TRIP11: variants seen among roughly 807,000 people sequenced by gnomAD.
TRIP11 encodes thyroid hormone receptor interactor 11.
TRIP11 carries 148 observed loss-of-function variants against 223.1 expected under a neutral mutation model. The ratio of observed to expected loss-of-function variants is 0.66; its 90% CI spans 0.58 to 0.76. TRIP11 has a LOEUF of 0.76. TRIP11 is among the 30% of genes least tolerant of loss of function. The pLI, the probability that TRIP11 is intolerant of heterozygous loss-of-function variation, is 0.00. For missense variants in TRIP11, 2,043 were observed against 2,222.0 expected, an observed-to-expected ratio of 0.92 and a Z score of 1.62; for synonymous variants, 762 against 772.6, an observed-to-expected ratio of 0.99 and a Z score of 0.23.
chr14:91,969,509 T>G lies in TRIP11; in HGVS notation c.*164A>C, dbSNP rs1279248485. On this transcript the variant is annotated 3_prime_UTR_variant, in exon 21 of 21. Transcript: ENST00000267622. The stretch of plus-strand genomic sequence containing the variant: ...ATAGCAAACACTTGCTCCTGACACC[T>G]GCAGTTTCTAAAAGCATTAGGAATA... 4 of 734,668 alleles carry G rather than the reference T, an allele frequency of 5.4e-6. No homozygotes were observed. Among genetic ancestry groups the G allele is most frequent in the Non-Finnish European group, 9.5e-6 (4 of 419,298 alleles). 45.5% of individuals were successfully genotyped at this position (734,668 alleles called of 1,614,324 possible).
chr14:92,005,814 A>C lies in TRIP11; in HGVS notation c.2162T>G (p.Ile721Arg), dbSNP rs776532192. 6.2e-6 allele frequency: 10 copies of C among 1,613,846 alleles called. No homozygotes were observed. Among genetic ancestry groups the C allele is most frequent in the Admixed American group, 1.7e-5 (1 of 59,978 alleles). The change falls in exon 11 of 21, where the codon ATA becomes AGA. Residue 721 changes from isoleucine to arginine, a missense_variant. Transcript: ENST00000267622. The stretch of plus-strand genomic sequence containing the variant: ...TTTAGCCCAACACAATTCTGCCTCT[A>C]TCTCTCCTTTTTCCATTTTTAGAGT... ...VETLKMEKGE[I>R]EAELCWAKKR...
intron 2 of TRIP11, among the ~76,000 whole-genome samples, chr14:92,027,648 A>G (rs549234166): frequency 3.9e-5 from 6 of 152,234 alleles, no homozygotes; most frequent in Non-Finnish European, 5.9e-5. Flanking sequence ...ATAATTGCAG[A>G]TAACAATTTA....
At chr14:91,980,349 T>C (rs1364907398) in intron 16 of TRIP11, among the ~76,000 whole-genome samples, 10 of 152,168 alleles carry the variant, frequency 6.6e-5, no homozygotes, top group Non-Finnish European at 4.4e-5. Flanking sequence ...TAAGCTCCTG[T>C]AGGCAAGATC....
At chr14:92,013,266 C>CA (rs1402045789) in intron 7 of TRIP11, among the ~76,000 whole-genome samples, 5 of 151,332 alleles carry the variant, frequency 3.3e-5, no homozygotes, top group Admixed American at 6.6e-5. Context: ...GACTCTGTCT[C>CA]AAAAAAACAA....
At position 92,004,933 on chromosome 14, in the gene TRIP11, T is replaced by C; in HGVS notation, c.3043A>G (p.Lys1015Glu). The change falls in exon 11 of 21, where the codon AAA (lysine) becomes GAA (glutamate). Residue 1015 changes from lysine to glutamate, a missense_variant. Lys to Glu is a moderately conservative substitution (Grantham distance 56). Transcript: ENST00000267622. ...TTCACTAATCTTTCCGTTTCAGCTT[T>C]AGATAAATCATGCTTTTCACTTCCA... ...ENGSEKHDLSKAETERLVKGI... is the reference protein window; with the variant it reads ...ENGSEKHDLSEAETERLVKGI... 3 of 1,613,972 alleles carry C rather than the reference T, an allele frequency of 1.9e-6. No homozygotes were observed. Among genetic ancestry groups the C allele is most frequent in the Non-Finnish European group, 2.5e-6 (3 of 1,179,998 alleles).
At chr14:91,979,625 A>G (rs2056511370) in intron 16 of TRIP11, among the ~76,000 whole-genome samples, 1 of 152,154 alleles carries the variant, frequency 6.6e-6, no homozygotes, top group African/African-American at 2.4e-5. Context: ...TTGCAAACTC[A>G]AGCAGTAGTT....
Position 92,007,666 on chromosome 14 carries a change from C to A in TRIP11, c.1501G>T (p.Asp501Tyr). The A allele has an allele frequency of 1.2e-6, 2 of 1,613,484 alleles. No individual in the cohort carries two copies. The highest frequency in any genetic ancestry group is 1.1e-5 in the South Asian group (1 of 91,062). Reference sequence around the variant, plus strand: ...TTTGTAGCTTCTTGATTCTGTCTGTCCAATTCTTCTATCTCAGCTATCAGT... The same window carrying A: ...TTTGTAGCTTCTTGATTCTGTCTGTACAATTCTTCTATCTCAGCTATCAGT... Reference protein sequence around the residue: ...ETLIAEIEELDRQNQEATKHM... With the variant: ...ETLIAEIEELYRQNQEATKHM... Residue 501 changes from aspartate to tyrosine, a missense_variant, in exon 10 of 21, where the codon GAC becomes TAC. Transcript: ENST00000267622.
intron 16 of TRIP11, among the ~76,000 whole-genome samples, chr14:91,982,072 G>A (rs1213315187): frequency 6.6e-6 from 1 of 152,000 alleles, no homozygotes; most frequent in East Asian, 1.9e-4. Context: ...AATTCCACTA[G>A]ATCAGAATCT....
intron 2 of TRIP11, chr14:92,026,845 C>T (rs1447700248): frequency 5.4e-6 from 8 of 1,470,516 alleles, no homozygotes; most frequent in Admixed American, 1.8e-5. Flanking sequence ...ATGAGGATGA[C>T]GATGTTGATA....
chr14:92,028,683 G>T (rs1451282836), intron 2 of TRIP11, among the ~76,000 whole-genome samples: 1 of 152,096 alleles, frequency 6.6e-6, no homozygotes, highest in Non-Finnish European at 1.5e-5. Context: ...AGAGGGGGCT[G>T]GTCTGAAAGG....
rs117843850 is a variant in TRIP11, at chr14:92,029,923, C to T, written c.201+3269G>A. Among the ~76,000 whole-genome samples the T allele has an allele frequency of 3.0e-3, 450 of 150,058 alleles. 23 individuals are homozygous for T. The East Asian group carries it at 0.084, about 28-fold the overall frequency. ...GTCAAGAATTGATGAGTGGGCCGGGCGCGGTGGCTCACGCCTGTAATCCCA... is the reference window on the plus strand; with the variant it reads ...GTCAAGAATTGATGAGTGGGCCGGGTGCGGTGGCTCACGCCTGTAATCCCA... On this transcript the variant is annotated intron_variant, in intron 2 of 20. Transcript: ENST00000267622.
In TRIP11 at chr14:92,015,666, T is replaced by A. The variant is rs79920810; in HGVS notation, c.823+30A>T. 3.9e-3 allele frequency: 6,032 copies of A among 1,530,836 alleles called. 147 individuals carry two copies. In the African/African-American group the frequency reaches 0.07, roughly 18 times the overall value. The allele number at this position is 1,530,836 out of a possible 1,614,324, so 94.8% of individuals were successfully genotyped here. On this transcript the variant is annotated intron_variant, in intron 6 of 20. Coordinates refer to ENST00000267622, the MANE Select transcript of TRIP11 (RefSeq NM_004239.4). ...GATGGAGACTCCATCTCAAAAAAAATAATAATAATAAAGAAATAAAACTAA... is the reference window on the plus strand; with the variant it reads ...GATGGAGACTCCATCTCAAAAAAAAAAATAATAATAAAGAAATAAAACTAA...
chr14:91,968,307 C>T lies in TRIP11; in HGVS notation c.*1366G>A. 1 of 204,574 alleles carries T rather than the reference C, an allele frequency of 4.9e-6. No individual in the cohort carries two copies. The highest frequency in any genetic ancestry group is 1.0e-5 in the Non-Finnish European group (1 of 100,182). The allele number at this position is 204,574 out of a possible 1,614,324, so 12.7% of individuals were successfully genotyped here. A position where few individuals can be genotyped will look rare whatever the true frequency, so the allele number is the denominator to read the frequency against. On this transcript the variant is annotated 3_prime_UTR_variant, in exon 21 of 21. Transcript: ENST00000267622. Reference sequence around the variant, plus strand: ...AACAACTAATAAAAATATGAACATCCAGATACAGTTAAGTTTCAAGTCGGG... The same window carrying T: ...AACAACTAATAAAAATATGAACATCTAGATACAGTTAAGTTTCAAGTCGGG...
chr14:92,036,198 G>C (rs1337787018), intron 1 of TRIP11, among the ~76,000 whole-genome samples: 1 of 152,008 alleles, frequency 6.6e-6, no homozygotes, highest in East Asian at 1.9e-4. Flanking sequence ...TTTTAAAGAG[G>C]GATTTTACAA....
intron 16 of TRIP11, among the ~76,000 whole-genome samples, chr14:91,977,581 A>T (rs1371741730): frequency 6.6e-6 from 1 of 151,914 alleles, no homozygotes; most frequent in Non-Finnish European, 1.5e-5. Flanking sequence ...TTCCCACTGT[A>T]AGAATTCTGC....
At chr14:91,986,977 A>T (rs2056611417) in intron 16 of TRIP11, among the ~76,000 whole-genome samples, 2 of 152,246 alleles carry the variant, frequency 1.3e-5, no homozygotes, top group African/African-American at 4.8e-5. Context: ...CAATAACATG[A>T]AAAGACCACG....
intron 16 of TRIP11, 40 bp downstream of exon 16, chr14:91,988,244 A>C (rs1320280963): frequency 1.4e-6 from 2 of 1,456,116 alleles, no homozygotes; most frequent in Non-Finnish European, 1.9e-6. Context: ...ATTTAATATC[A>C]GTATTGTAGT....
chr14:92,025,287 G>T, intron 3 of TRIP11, 23 bp downstream of exon 3: 1 of 1,524,502 alleles, frequency 6.6e-7, no homozygotes, highest in Non-Finnish European at 9.1e-7. Context: ...AAGTACATAT[G>T]AAGTAACTGT....
At chr14:92,036,905 CT>C in intron 1 of TRIP11, among the ~76,000 whole-genome samples, 1 of 152,160 alleles carries the variant, frequency 6.6e-6, no homozygotes, top group East Asian at 1.9e-4. Context: ...CAGCTAAAAA[CT>C]TTTTGTAGAG....
Sources: allele counts gnomAD v4.1 joint callset (sites outside exome capture counted in the v4.1 genomes callset), GRCh38; gene constraint gnomAD v4.1.1; transcripts MANE v1.5; gene names NCBI Gene and HGNC (gene_info 2026-07-23, HGNC 2026-07-21).